Variants in TP63 observed in about 807,000 individuals in gnomAD.
TP63 encodes the protein tumor protein 63.
TP63 carries 17 observed loss-of-function variants against 82.8 expected under a neutral mutation model. That is an observed-to-expected ratio of 0.21 (90% CI 0.14 to 0.31). The LOEUF is 0.31. Ranked by LOEUF, TP63 falls within the 10% of genes least tolerant of loss-of-function variation. The pLI is 1.00. For missense variants in TP63, 648 were observed against 895.3 expected (o/e 0.72, Z 3.52); for synonymous variants, 330 against 321.7 (o/e 1.03, Z -0.28).
intron 1 of TP63, among the ~76,000 whole-genome samples, chr3:189,688,900 A>G (rs145039005): frequency 1.3e-5 from 2 of 152,130 alleles, no homozygotes; most frequent in African/African-American, 4.8e-5. Flanking sequence ...GACCCACAAG[A>G]TGATTTACAG....
chr3:189,716,594 T>C (rs1307596560), intron 1 of TP63, among the ~76,000 whole-genome samples: 1 of 152,176 alleles, frequency 6.6e-6, no homozygotes, highest in Admixed American at 6.5e-5. Context: ...AATCCATAGT[T>C]CTTACTCGGA....
chr3:189,881,292 G>A (rs1047227380), intron 10 of TP63: 5 of 985,122 alleles, frequency 5.1e-6, no homozygotes, highest in Non-Finnish European at 4.8e-6. Context: ...CAAAAGTTTA[G>A]AGAATCTCTG....
intron 4 of TP63, among the ~76,000 whole-genome samples, chr3:189,843,678 T>C (rs1714467859): frequency 6.6e-6 from 1 of 152,198 alleles, no homozygotes; most frequent in South Asian, 2.1e-4. Context: ...AAGCTCACTT[T>C]GCAGAATTCC....
intron 4 of TP63, among the ~76,000 whole-genome samples, chr3:189,820,092 T>C (rs1436705853): frequency 6.6e-6 from 1 of 152,208 alleles, no homozygotes; most frequent in Admixed American, 6.5e-5. Context: ...TTGAATACTT[T>C]TGTATGCAAA....
chr3:189,871,040 A>G (rs1718359663), intron 9 of TP63, among the ~76,000 whole-genome samples: 1 of 152,194 alleles, frequency 6.6e-6, no homozygotes, highest in Admixed American at 6.5e-5. Flanking sequence ...ATGTTAAAGT[A>G]AAACATTACC....
intron 3 of TP63, among the ~76,000 whole-genome samples, chr3:189,775,161 G>A (rs1404951180): frequency 2.7e-5 from 4 of 148,154 alleles, no homozygotes; most frequent in African/African-American, 9.9e-5. Context: ...CGGAGGTTGT[G>A]GTGAGCCAAG....
At chr3:189,854,173 T>C (rs1019440149) in intron 4 of TP63, among the ~76,000 whole-genome samples, 4 of 152,192 alleles carry the variant, frequency 2.6e-5, no homozygotes, top group African/African-American at 9.7e-5. Context: ...CTCTCATTTG[T>C]GGTTTATGAT....
At chr3:189,806,179 T>TA (rs144036335) in intron 3 of TP63, among the ~76,000 whole-genome samples, 502 of 147,982 alleles carry the variant, frequency 3.4e-3, no homozygotes, top group African/African-American at 0.011. Context: ...TATATTGGGT[T>TA]AAAAAAAAAA....
At chr3:189,664,705 T>C (rs1442127359) in intron 1 of TP63, among the ~76,000 whole-genome samples, 1 of 152,224 alleles carries the variant, frequency 6.6e-6, no homozygotes, top group Non-Finnish European at 1.5e-5. Flanking sequence ...TTTGGTGTTC[T>C]CTGACTATTG....
At chr3:189,835,154 ATCT>A (rs1446545222) in intron 4 of TP63, among the ~76,000 whole-genome samples, 5 of 152,126 alleles carry the variant, frequency 3.3e-5, no homozygotes, top group Non-Finnish European at 5.9e-5. Flanking sequence ...CAGGATTAAA[ATCT>A]TCTTAACTTT....
At chr3:189,810,844 A>T (rs983473819) in intron 4 of TP63, among the ~76,000 whole-genome samples, 7 of 142,720 alleles carry the variant, frequency 4.9e-5, no homozygotes, top group Non-Finnish European at 1.1e-4. Flanking sequence ...GCACAATAGA[A>T]CAAGAGTCCG....
At chr3:189,604,728 T>C in the TP63 span, among the ~76,000 whole-genome samples, 1 of 152,214 alleles carries the variant, frequency 6.6e-6, no homozygotes, top group African/African-American at 2.4e-5. Context: ...AATGCAACTA[T>C]ATCTTATTTT....
chr3:189,636,137 T>C (rs757194766), intron 1 of TP63, among the ~76,000 whole-genome samples: 1 of 152,170 alleles, frequency 6.6e-6, no homozygotes, highest in Non-Finnish European at 1.5e-5. Context: ...TTTTTCAGTC[T>C]CTAATGAATA....
At chr3:189,695,073 G>A (rs550750049) in intron 1 of TP63, among the ~76,000 whole-genome samples, 39 of 151,912 alleles carry the variant, frequency 2.6e-4, no homozygotes, top group African/African-American at 8.9e-4. Context: ...TTCTTTAAGA[G>A]TGGAGAGTTA....
chr3:189,728,817 C>T (rs1047856893), intron 1 of TP63, among the ~76,000 whole-genome samples: 2 of 152,150 alleles, frequency 1.3e-5, no homozygotes, highest in Admixed American at 6.5e-5. Flanking sequence ...GAGAACAGCA[C>T]AGGTGGCGGA....
intron 3 of TP63, among the ~76,000 whole-genome samples, chr3:189,776,916 T>G (rs1334513409): frequency 6.6e-6 from 1 of 152,186 alleles, no homozygotes. Context: ...GTCTTTTAAA[T>G]GTCCTTTCAA....
the TP63 span, among the ~76,000 whole-genome samples, chr3:189,597,367 T>TA: frequency 6.6e-6 from 1 of 152,224 alleles, no homozygotes; most frequent in South Asian, 2.1e-4. Flanking sequence ...TAATAGGACT[T>TA]ACACATAGTC....
chr3:189,753,489 T>C (rs1038046620), intron 3 of TP63, among the ~76,000 whole-genome samples: 2 of 152,038 alleles, frequency 1.3e-5, no homozygotes, highest in African/African-American at 2.4e-5. Context: ...TTTTGATTTA[T>C]GTTTGCAAGG....
chr3:189,887,826 G>T (rs1720611919), intron 11 of TP63, among the ~76,000 whole-genome samples: 1 of 149,590 alleles, frequency 6.7e-6, no homozygotes, highest in Non-Finnish European at 1.5e-5. Context: ...ATGACTTTCT[G>T]TGGTCTAATG....
Sources: allele counts gnomAD v4.1 joint callset (sites outside exome capture counted in the v4.1 genomes callset), GRCh38; gene constraint gnomAD v4.1.1; transcripts MANE v1.5; gene names NCBI Gene and HGNC (gene_info 2026-07-23, HGNC 2026-07-21).